Variants in SH3RF2 observed in about 807,000 individuals in gnomAD.
SH3RF2 encodes E3 ubiquitin-protein ligase SH3RF2.
Under a neutral mutation model 59.0 loss-of-function variants are expected in SH3RF2, and 43 were observed. That is an observed-to-expected ratio of 0.73 (90% CI 0.57 to 0.94). The LOEUF (loss-of-function observed/expected upper bound fraction) is 0.94, where lower values mean the gene tolerates loss of function less well. SH3RF2 is among the 40% of genes least tolerant of loss of function. The pLI, the probability that SH3RF2 is intolerant of heterozygous loss-of-function variation, is 0.00. For missense variants in SH3RF2, 930 were observed against 940.1 expected (o/e 0.99, Z 0.14); for synonymous variants, 391 against 391.5 (o/e 1.00, Z 0.01).
rs1216453171 is a variant in SH3RF2 at position 146,047,775 on chromosome 5, A to T, written c.1063A>T (p.Ser355Cys). ...DVPSSCVGQV[S>C]TYHPAPVSPG... ...GCTGTCTTTTCTGTCTGTGCAGGTC[A>T]GCACTTATCACCCCGCACCTGTCTC... Residue 355 changes from serine (S) to cysteine (C), a missense_variant, in exon 6 of 10, where the codon AGC becomes TGC. Physicochemically the swap from Ser to Cys is moderately radical, Grantham distance 112. Coordinates refer to ENST00000359120, the MANE Select transcript of SH3RF2 (RefSeq NM_152550.4). The T allele has an allele frequency of 6.2e-7, 1 of 1,614,070 alleles. No homozygotes were observed. The highest frequency in any genetic ancestry group is 1.1e-5 in the South Asian group (1 of 91,074).
At chr5:146,064,859 AGAAAG>A (rs1763061687), downstream of SH3RF2, among the ~76,000 whole-genome samples, 7 of 27,794 alleles carry the variant, frequency 2.5e-4, no homozygotes, top group Admixed American at 3.9e-3. Flanking sequence ...AAAGAAAGAA[AGAAAG>A]AGAAAGAAAA....
chr5:146,046,244 T>A (rs1479439491), intron 5 of SH3RF2, among the ~76,000 whole-genome samples: 1 of 152,170 alleles, frequency 6.6e-6, no homozygotes, highest in Non-Finnish European at 1.5e-5. Context: ...ATAGACCACA[T>A]GTGTGAACAA....
chr5:146,067,599 C>T (rs924584209), downstream of SH3RF2, among the ~76,000 whole-genome samples: 9 of 152,194 alleles, frequency 5.9e-5, no homozygotes, highest in African/African-American at 1.9e-4. Context: ...TTAACAATAT[C>T]CCCAAGTGAT....
At chr5:146,017,834 C>T (rs1448543820) in intron 5 of SH3RF2, among the ~76,000 whole-genome samples, 3 of 152,102 alleles carry the variant, frequency 2.0e-5, no homozygotes, top group African/African-American at 2.4e-5. Context: ...CGCCCAATCC[C>T]TCCCAACCCC....
chr5:146,059,537 T>C (rs746196952), intron 8 of SH3RF2, among the ~76,000 whole-genome samples: 34 of 150,918 alleles, frequency 2.3e-4, no homozygotes, highest in East Asian at 5.8e-4. Flanking sequence ...CACGCGCGCG[T>C]GTGTGTGTGT....
rs1406112592 is a variant in SH3RF2 at position 146,000,183 on chromosome 5, T to C, written c.504T>C (p.Asn168=). 5 of 1,613,502 alleles carry C rather than the reference T, an allele frequency of 3.1e-6. No individual in the cohort carries two copies. The highest frequency in any genetic ancestry group is 4.2e-6 in the Non-Finnish European group (5 of 1,179,822). ...AGAATTGGTACCAGGGGGAAATCAA[T>C]GGCATCAGCGGGAACTTCCCAGCCA... ...LDENWYQGEI[N]GISGNFPASS... The change falls in exon 3 of 10, where the codon AAT becomes AAC. Residue 168 remains asparagine (N), a synonymous_variant. Coordinates refer to ENST00000359120, the MANE Select transcript of SH3RF2 (RefSeq NM_152550.4).
chr5:145,954,625 C>T (rs1006227682), intron 2 of SH3RF2, among the ~76,000 whole-genome samples: 2 of 152,134 alleles, frequency 1.3e-5, no homozygotes, highest in African/African-American at 4.8e-5. Context: ...GAAATCTTTG[C>T]CCGTTCCTAT....
intron 2 of SH3RF2, among the ~76,000 whole-genome samples, chr5:145,979,183 A>C (rs1045782397): frequency 2.0e-5 from 3 of 152,200 alleles, no homozygotes; most frequent in African/African-American, 7.2e-5. Flanking sequence ...CAGGATTACC[A>C]TCACCTGGGG....
intron 5 of SH3RF2, among the ~76,000 whole-genome samples, chr5:146,023,117 G>C (rs1414775297): frequency 1.3e-5 from 2 of 151,000 alleles, no homozygotes; most frequent in Admixed American, 6.6e-5. Context: ...AAAGTCACTT[G>C]CCCTTTTGAA....
intron 5 of SH3RF2, among the ~76,000 whole-genome samples, chr5:146,039,320 T>C (rs945220338): frequency 2.6e-5 from 4 of 151,980 alleles, no homozygotes; most frequent in African/African-American, 9.7e-5. Flanking sequence ...AGAACTTCAG[T>C]TCATCAAAAG....
At chr5:145,943,785 C>G (rs1047452409) in intron 2 of SH3RF2, among the ~76,000 whole-genome samples, 3 of 152,224 alleles carry the variant, frequency 2.0e-5, no homozygotes, top group Admixed American at 2.0e-4. Context: ...TCACTCCCCA[C>G]AGGATGGCCT....
intron 5 of SH3RF2, among the ~76,000 whole-genome samples, chr5:146,028,163 AACACACACACACACACACAC>A (rs10586561): frequency 3.5e-5 from 5 of 142,306 alleles, no homozygotes; most frequent in African/African-American, 1.1e-4. Context: ...TGAGGCCTGC[AACACACACACACACACACAC>A]ACACACACAC....
chr5:145,962,946 G>A (rs1165313973), intron 2 of SH3RF2, among the ~76,000 whole-genome samples: 5 of 143,178 alleles, frequency 3.5e-5, no homozygotes, highest in Non-Finnish European at 7.4e-5. Flanking sequence ...CGCCCAGGCT[G>A]GAGTGCAGTG....
downstream of SH3RF2, among the ~76,000 whole-genome samples, chr5:146,066,798 C>T (rs960272899): frequency 6.6e-6 from 1 of 152,190 alleles, no homozygotes; most frequent in African/African-American, 2.4e-5. Flanking sequence ...AGAACCCCAG[C>T]CCCTCAAGTC....
intron 2 of SH3RF2, among the ~76,000 whole-genome samples, chr5:145,980,933 G>A (rs1022649408): frequency 1.3e-5 from 2 of 152,090 alleles, no homozygotes; most frequent in Non-Finnish European, 2.9e-5. Context: ...TGAAACTGAG[G>A]CAAAGTCCAC....
At position 145,938,194 on chromosome 5, in the gene SH3RF2, G is replaced by T. The variant is rs775449544; in HGVS notation, c.266G>T (p.Arg89Leu). Residue 89 changes from arginine (R) to leucine (L), a missense_variant, in exon 2 of 10, where the codon CGC becomes CTC. Arg to Leu is a moderately radical substitution (Grantham distance 102). Transcript: ENST00000359120. Reference protein sequence around the residue: ...GQSSGRGGSFRRPGTMTLQDG... With the variant: ...GQSSGRGGSFLRPGTMTLQDG... ...AGCTCCGGGAGAGGGGGCTCCTTCC[G>T]CAGGCCTGGCACGATGACCTTGCAG... The T allele has an allele frequency of 1.2e-6, 2 of 1,613,750 alleles. No homozygotes were observed. The highest frequency in any genetic ancestry group is 1.1e-5 in the South Asian group (1 of 91,070).
intron 4 of SH3RF2, among the ~76,000 whole-genome samples, chr5:146,006,930 A>G (rs1760669415): frequency 6.6e-6 from 1 of 152,122 alleles, no homozygotes; most frequent in Non-Finnish European, 1.5e-5. Flanking sequence ...CACAGTAGGG[A>G]CGCATGAAAA....
chr5:146,064,864 G>GAAAGAAAGAGAAAGAA (rs59357428), downstream of SH3RF2, among the ~76,000 whole-genome samples: 4 of 69,092 alleles, frequency 5.8e-5, no homozygotes, highest in Non-Finnish European at 1.2e-4. Flanking sequence ...AAGAAAGAAA[G>GAAAGAAAGAGAAAGAA]AGAAAGAAAA....
intron 2 of SH3RF2, among the ~76,000 whole-genome samples, chr5:145,944,337 CTT>C (rs59087828): frequency 0.013 from 1,798 of 140,902 alleles, 37 homozygotes; most frequent in African/African-American, 0.043. Context: ...TTTCTTTTCC[CTT>C]TTTTTTTTTT....
Sources: gnomAD v4.1 joint callset for allele counts (sites outside exome capture counted in the v4.1 genomes callset) on GRCh38, gnomAD v4.1.1 for gene constraint, MANE v1.5 for transcripts, NCBI Gene and HGNC (gene_info 2026-07-23, HGNC 2026-07-21) for gene names.